RBMS3: variants seen among roughly 807,000 people sequenced by gnomAD.
The protein encoded by RBMS3 is RNA binding motif single stranded interacting protein 3.
Under a neutral mutation model 66.8 loss-of-function variants are expected in RBMS3, and 27 were observed. The observed-to-expected ratio is 0.40, with a 90% confidence interval of 0.30 to 0.56. The LOEUF (loss-of-function observed/expected upper bound fraction) is 0.56, where lower values mean the gene tolerates loss of function less well. Ranked by LOEUF, RBMS3 falls within the 20% of genes least tolerant of loss-of-function variation. RBMS3 has a pLI of 0.40. For synonymous variants in RBMS3, 188 were observed against 183.0 expected (o/e 1.03, Z -0.22); for missense variants, 513 against 549.5 (o/e 0.93, Z 0.66).
chr3:29,946,255 C>A (rs1695298818), intron 12 of RBMS3, among the ~76,000 whole-genome samples: 1 of 151,648 alleles, frequency 6.6e-6, no homozygotes, highest in Admixed American at 6.6e-5. Flanking sequence ...TTGGCCACAT[C>A]AGGAAAGTGA....
intron 6 of RBMS3, among the ~76,000 whole-genome samples, chr3:29,806,788 C>G (rs902910960): frequency 6.6e-6 from 1 of 151,904 alleles, no homozygotes; most frequent in Non-Finnish European, 1.5e-5. Flanking sequence ...CTATTTCTTA[C>G]AGCACCTACT....
chr3:29,723,665 A>T (rs970312992), intron 4 of RBMS3, among the ~76,000 whole-genome samples: 2 of 152,138 alleles, frequency 1.3e-5, no homozygotes, highest in Non-Finnish European at 2.9e-5. Context: ...GCTGTTTCGA[A>T]GGTTGGGTGC....
chr3:29,917,866 T>C (rs2060679049), intron 10 of RBMS3, among the ~76,000 whole-genome samples: 1 of 152,160 alleles, frequency 6.6e-6, no homozygotes, highest in Non-Finnish European at 1.5e-5. Flanking sequence ...AAGAAGTTCA[T>C]TGGTCTTTTA....
At chr3:29,537,081 A>T (rs1400360764) in intron 3 of RBMS3, among the ~76,000 whole-genome samples, 1 of 152,112 alleles carries the variant, frequency 6.6e-6, no homozygotes, top group African/African-American at 2.4e-5. Flanking sequence ...TTCCAAACTG[A>T]TTTTTTCAAA....
intron 4 of RBMS3, among the ~76,000 whole-genome samples, chr3:29,626,268 T>C (rs2149166323): frequency 6.6e-6 from 1 of 152,284 alleles, no homozygotes; most frequent in East Asian, 1.9e-4. Flanking sequence ...ATATTTGGCC[T>C]ACCCCATTCT....
chr3:29,739,341 A>G (rs557209681), intron 4 of RBMS3, among the ~76,000 whole-genome samples: 2 of 151,904 alleles, frequency 1.3e-5, no homozygotes, highest in African/African-American at 4.8e-5. Context: ...CTGTAGTCCC[A>G]GCTACTCGGG....
At chr3:29,795,278 C>G (rs2057144537) in intron 6 of RBMS3, among the ~76,000 whole-genome samples, 1 of 152,132 alleles carries the variant, frequency 6.6e-6, no homozygotes, top group Non-Finnish European at 1.5e-5. Flanking sequence ...AAAGTGGAAG[C>G]CAGTAACCCT....
At chr3:29,622,215 C>T (rs907343788) in intron 4 of RBMS3, among the ~76,000 whole-genome samples, 1 of 152,156 alleles carries the variant, frequency 6.6e-6, no homozygotes, top group Non-Finnish European at 1.5e-5. Flanking sequence ...TGTTCCTGCC[C>T]TTATAGGGCT....
intron 1 of RBMS3, among the ~76,000 whole-genome samples, chr3:29,401,793 A>T (rs928993551): frequency 2.0e-5 from 3 of 152,076 alleles, no homozygotes; most frequent in Non-Finnish European, 4.4e-5. Flanking sequence ...CTTTGCAGAA[A>T]AACTTTAGTG....
chr3:29,734,328 T>A (rs1302219261), intron 4 of RBMS3, among the ~76,000 whole-genome samples: 1 of 152,052 alleles, frequency 6.6e-6, no homozygotes, highest in Non-Finnish European at 1.5e-5. Flanking sequence ...TTCTAGAGTT[T>A]TATGGCACTG....
At position 29,361,569 on chromosome 3, in the gene RBMS3, T is replaced by A. The variant is rs1411501360; in HGVS notation, c.76-73174T>A. Among the ~76,000 whole-genome samples, 5 of 152,204 alleles carry A rather than the reference T, an allele frequency of 3.3e-5. No homozygotes were observed. The East Asian group carries it at 7.7e-4, about 23-fold the overall frequency. On this transcript the variant is annotated intron_variant, in intron 1 of 14. Transcript: ENST00000383767. ...AGGAGTATCTTTGTGGCATTCTCTG[T>A]ATCTCCTGAATTTGAATGTTGGCCT... is the stretch of plus-strand genomic sequence containing the variant.
chr3:29,898,300 A>G (rs138813063), intron 9 of RBMS3, among the ~76,000 whole-genome samples: 23 of 151,816 alleles, frequency 1.5e-4, no homozygotes, highest in African/African-American at 5.5e-4. Flanking sequence ...TCATTTCTTA[A>G]AAGTTTGGAG....
chr3:29,987,797 A>C (rs1698531241), intron 12 of RBMS3, among the ~76,000 whole-genome samples: 1 of 152,188 alleles, frequency 6.6e-6, no homozygotes, highest in Non-Finnish European at 1.5e-5. Flanking sequence ...AAGAGAGTAA[A>C]AAAGAGACAT....
intron 1 of RBMS3, among the ~76,000 whole-genome samples, chr3:29,371,172 C>T (rs1006612492): frequency 6.6e-6 from 1 of 152,190 alleles, no homozygotes; most frequent in African/African-American, 2.4e-5. Context: ...CAAAGCTGTT[C>T]ACTCATACCT....
At chr3:29,810,195 T>C (rs148036616) in intron 6 of RBMS3, among the ~76,000 whole-genome samples, 6 of 152,216 alleles carry the variant, frequency 3.9e-5, no homozygotes, top group South Asian at 2.1e-4. Context: ...GAAAATACTT[T>C]AGGTGGATAA....
At chr3:29,994,400 C>G (rs11129375) in intron 14 of RBMS3, among the ~76,000 whole-genome samples, 44,237 of 151,962 alleles carry the variant, frequency 0.29, 7,099 homozygotes, top group African/African-American at 0.41. Context: ...CAAAGCATCC[C>G]GGAAGCTCCA....
At chr3:29,606,996 CAG>C (rs1267617592) in intron 4 of RBMS3, among the ~76,000 whole-genome samples, 2 of 151,736 alleles carry the variant, frequency 1.3e-5, no homozygotes, top group Non-Finnish European at 2.9e-5. Context: ...AATAATCTGA[CAG>C]AGAAAAAAGT....
chr3:29,926,290 A>T (rs2060935996), intron 10 of RBMS3, among the ~76,000 whole-genome samples: 1 of 152,186 alleles, frequency 6.6e-6, no homozygotes, highest in Non-Finnish European at 1.5e-5. Flanking sequence ...AGATCTAGTT[A>T]AGTTTCCAGC....
chr3:29,536,566 C>A (rs934369075), intron 3 of RBMS3, among the ~76,000 whole-genome samples: 1 of 152,164 alleles, frequency 6.6e-6, no homozygotes, highest in African/African-American at 2.4e-5. Flanking sequence ...TCTACCATAA[C>A]CTTGCAAGGG....
Sources: allele counts gnomAD v4.1 joint callset (sites outside exome capture counted in the v4.1 genomes callset), GRCh38; gene constraint gnomAD v4.1.1; transcripts MANE v1.5; gene names NCBI Gene and HGNC (gene_info 2026-07-23, HGNC 2026-07-21).